The following KRABD2 variants were observed in gnomAD, a reference collection of about 807,000 sequenced individuals.
KRABD2 encodes the protein KRAB domain-containing protein 2.
At chr17:8,376,218 C>CA in the KRABD2 span, 1 of 1,231,096 alleles carries the variant, frequency 8.1e-7, no homozygotes, top group Non-Finnish European at 1.0e-6. Context: ...ATGTCGCTTA[C>CA]AGGTAGGTCG....
chr17:8,359,776 G>A, the KRABD2 span: 2 of 455,940 alleles, frequency 4.4e-6, no homozygotes, highest in African/African-American at 4.0e-5. Flanking sequence ...GGAGCCAGCT[G>A]TGTTATTACA....
At chr17:8,371,694 C>T in the KRABD2 span, 24 of 1,389,936 alleles carry the variant, frequency 1.7e-5, no homozygotes, top group Non-Finnish European at 2.1e-5. Context: ...GCTGCCAGAG[C>T]TGTAGCCCAT....
chr17:8,368,277 G>A, the KRABD2 span, among the ~76,000 whole-genome samples: 1 of 152,144 alleles, frequency 6.6e-6, no homozygotes, highest in African/African-American at 2.4e-5. Context: ...CTTTACAAGA[G>A]ACAGGAAAGA....
At chr17:8,369,937 C>A in the KRABD2 span, 1 of 1,614,204 alleles carries the variant, frequency 6.2e-7, no homozygotes, top group Non-Finnish European at 8.5e-7. Context: ...ACAATAACTT[C>A]TTTGGTGACA....
chr17:8,364,493 C>T, the KRABD2 span, among the ~76,000 whole-genome samples: 1 of 152,192 alleles, frequency 6.6e-6, no homozygotes, highest in East Asian at 1.9e-4. The surrounding 1 kb of genome is among the most constrained non-coding windows in gnomAD (Gnocchi z 4.4). Flanking sequence ...GCTGGGATTA[C>T]AGGTACATGG....
At chr17:8,371,163 G>A in the KRABD2 span, 2 of 668,962 alleles carry the variant, frequency 3.0e-6, no homozygotes, top group Non-Finnish European at 5.0e-6. Flanking sequence ...AAGCGAGACT[G>A]TTTCAAAAAA....
At chr17:8,367,901 C>T in the KRABD2 span, among the ~76,000 whole-genome samples, 1 of 149,580 alleles carries the variant, frequency 6.7e-6, no homozygotes, top group South Asian at 2.1e-4. Context: ...CCAAATCCCC[C>T]TCTGCAAGAA....
chr17:8,376,540 C>T, the KRABD2 span: 1 of 988,778 alleles, frequency 1.0e-6, no homozygotes, highest in Non-Finnish European at 1.2e-6. Context: ...GCTCCCACCG[C>T]CTGGATCCAT....
chr17:8,368,360 C>T, the KRABD2 span, among the ~76,000 whole-genome samples: 31 of 152,094 alleles, frequency 2.0e-4, no homozygotes, highest in South Asian at 3.7e-3. Context: ...GGGAAAAGTT[C>T]GGGTCTGTGT....
chr17:8,371,378 A>G, the KRABD2 span: 1 of 1,614,192 alleles, frequency 6.2e-7, no homozygotes, highest in South Asian at 1.1e-5. Flanking sequence ...GAGCCTTCTA[A>G]ATAATTCCAA....
the KRABD2 span, chr17:8,370,489 A>G: frequency 1.3e-6 from 1 of 777,430 alleles, no homozygotes; most frequent in Middle Eastern, 2.4e-4. Context: ...TAATTTTTGA[A>G]GATGATTATA....
the KRABD2 span, among the ~76,000 whole-genome samples, chr17:8,361,600 T>C: frequency 3.9e-5 from 6 of 152,204 alleles, no homozygotes; most frequent in South Asian, 2.1e-4. Flanking sequence ...TTTCTTTTTT[T>C]CCCCTGAAGG....
the KRABD2 span, chr17:8,371,363 T>G: frequency 6.2e-7 from 1 of 1,614,198 alleles, no homozygotes; most frequent in Non-Finnish European, 8.5e-7. Flanking sequence ...TAGCAATCCT[T>G]TTGAGAGCCT....
At chr17:8,367,931 T>TAAAAAAAAAAAAAAAAAATAAAAA in the KRABD2 span, among the ~76,000 whole-genome samples, 1 of 43,978 alleles carries the variant, frequency 2.3e-5, no homozygotes, top group Admixed American at 2.4e-4. Flanking sequence ...AATGATCAAT[T>TAAAAAAAAAAAAAAAAAATAAAAA]AAAAAAAAAA....
the KRABD2 span, among the ~76,000 whole-genome samples, chr17:8,372,302 T>C: frequency 6.6e-6 from 1 of 152,246 alleles, no homozygotes; most frequent in African/African-American, 2.4e-5. This position sits in a 1 kb window ranked among gnomAD's most constrained non-coding sequence, Gnocchi z 4.1. Flanking sequence ...ACAGTGTGTA[T>C]TAAATGAATG....
chr17:8,370,059 C>T, the KRABD2 span: 28 of 1,613,870 alleles, frequency 1.7e-5, no homozygotes, highest in East Asian at 1.3e-4. Context: ...TACATAATAC[C>T]GTATTCGATC....
the KRABD2 span, chr17:8,375,701 C>CT: frequency 0.23 from 33,289 of 146,818 alleles, 3,907 homozygotes; most frequent in Non-Finnish European, 0.24. Context: ...TCTTTTCTTT[C>CT]TTTTTTTTTT....
At chr17:8,365,236 C>T in the KRABD2 span, among the ~76,000 whole-genome samples, 1 of 152,044 alleles carries the variant, frequency 6.6e-6, no homozygotes, top group African/African-American at 2.4e-5. Flanking sequence ...CTCCTGGAAA[C>T]CCAGGCATCT....
chr17:8,366,897 A>G, the KRABD2 span, among the ~76,000 whole-genome samples: 4 of 151,350 alleles, frequency 2.6e-5, no homozygotes, highest in South Asian at 2.1e-4. Context: ...AATACTTTGC[A>G]TTTTTGTAAA....
Sources: gnomAD v4.1 joint callset for allele counts (sites outside exome capture counted in the v4.1 genomes callset) on GRCh38, gnomAD v4.1.1 for gene constraint, Gnocchi (gnomAD v3.1) non-coding constraint, MANE v1.5 for transcripts, NCBI Gene and HGNC (gene_info 2026-07-23, HGNC 2026-07-21) for gene names.